PWP1: variants seen among roughly 807,000 people sequenced by gnomAD.
PWP1 encodes periodic tryptophan protein 1 homolog.
PWP1 carries 47 observed loss-of-function variants against 69.9 expected under a neutral mutation model. The observed-to-expected ratio is 0.67, with a 90% CI of 0.53 to 0.86. The LOEUF is 0.86. PWP1 is among the 40% of genes least tolerant of loss of function. The pLI, the probability that PWP1 is intolerant of heterozygous loss-of-function variation, is 0.00. For missense variants in PWP1, 551 were observed against 608.8 expected (o/e 0.91, Z 1.00); for synonymous variants, 222 against 208.2 (o/e 1.07, Z -0.57).
At chr12:107,704,379 T>C (rs532851256) in intron 10 of PWP1, among the ~76,000 whole-genome samples, 2 of 152,186 alleles carry the variant, frequency 1.3e-5, no homozygotes, top group Admixed American at 1.3e-4. Flanking sequence ...AGAGGATTCT[T>C]CTTGCGAGTG....
intron 3 of PWP1, 120 bp downstream of exon 3, chr12:107,688,922 G>T (rs1473645823): frequency 4.0e-5 from 42 of 1,060,110 alleles, no homozygotes; most frequent in Non-Finnish European, 5.7e-5. Context: ...AGATAATCTG[G>T]TTGAAGACTT....
intron 8 of PWP1, 45 bp from the exon 9 acceptor site, chr12:107,702,890 C>T (rs1181224139): frequency 1.6e-6 from 2 of 1,240,416 alleles, no homozygotes; most frequent in East Asian, 4.6e-5. Flanking sequence ...ATTTAATGCT[C>T]TTGACTTTTA....
At chr12:107,696,623 C>A in intron 6 of PWP1, 39 bp downstream of exon 6, 3 of 1,610,168 alleles carry the variant, frequency 1.9e-6, no homozygotes, top group South Asian at 2.2e-5. Flanking sequence ...GATTTCCAGT[C>A]TTATGTATTT....
chr12:107,697,575 A>G lies in PWP1; in HGVS notation c.722A>G (p.Lys241Arg). 6.2e-7 allele frequency: 1 copy of G among 1,604,016 alleles called. No homozygotes were observed. The highest frequency in any genetic ancestry group is 8.5e-7 in the Non-Finnish European group (1 of 1,176,802). Reference protein sequence around the residue: ...VFTLGSKLSKKKKKKGKKSSS... With the variant: ...VFTLGSKLSKRKKKKGKKSSS... ...ACACTCGGAAGTAAACTTTCAAAAAAGAAGAAAAAGAAAGGAAAGAAGGTA... is the reference window on the plus strand; with the variant it reads ...ACACTCGGAAGTAAACTTTCAAAAAGGAAGAAAAAGAAAGGAAAGAAGGTA... Residue 241 changes from lysine (K) to arginine (R), a missense_variant, in exon 7 of 15, where the codon AAG (lysine) becomes AGG (arginine). Physicochemically the swap from Lys to Arg is conservative, Grantham distance 26. Coordinates refer to ENST00000412830, the MANE Select transcript of PWP1 (RefSeq NM_007062.3).
At chr12:107,686,126 GCA>G (rs1175492999) in intron 1 of PWP1, 155 bp downstream of exon 1, 14 of 765,654 alleles carry the variant, frequency 1.8e-5, no homozygotes, top group Non-Finnish European at 3.0e-5. Flanking sequence ...GACTAGAGCT[GCA>G]GTTCAGAAGG....
At chr12:107,697,227 G>C (rs1889606898) in intron 6 of PWP1, among the ~76,000 whole-genome samples, 1 of 152,066 alleles carries the variant, frequency 6.6e-6, no homozygotes, top group Non-Finnish European at 1.5e-5. Flanking sequence ...TACTCAAATT[G>C]TGGCCCAAAG....
chr12:107,711,369 G>C (rs1889949409), intron 14 of PWP1, among the ~76,000 whole-genome samples: 1 of 152,170 alleles, frequency 6.6e-6, no homozygotes, highest in South Asian at 2.1e-4. Context: ...GTGCTGAAGA[G>C]ATTTTGTTTA....
At chr12:107,709,257 T>G in intron 13 of PWP1, 25 bp downstream of exon 13, 4 of 1,607,398 alleles carry the variant, frequency 2.5e-6, no homozygotes, top group Non-Finnish European at 2.6e-6. Flanking sequence ...GGGTATCTGT[T>G]TTTTATTTAT....
intron 11 of PWP1, among the ~76,000 whole-genome samples, chr12:107,707,234 G>C (rs953928120): frequency 2.0e-5 from 3 of 152,232 alleles, no homozygotes; most frequent in African/African-American, 7.2e-5. Flanking sequence ...TGTGATTTTT[G>C]CACATTGATT....
At chr12:107,706,104 A>T (rs1170725244) in intron 11 of PWP1, among the ~76,000 whole-genome samples, 1 of 152,162 alleles carries the variant, frequency 6.6e-6, no homozygotes, top group African/African-American at 2.4e-5. Context: ...CTGGTGTAAG[A>T]TGGTATCTCA....
At chr12:107,698,361 GA>G (rs995432445) in intron 7 of PWP1, among the ~76,000 whole-genome samples, 1 of 150,560 alleles carries the variant, frequency 6.6e-6, no homozygotes, top group Non-Finnish European at 1.5e-5. Context: ...TGTCTCAAGG[GA>G]AAAAAAAGAA....
intron 3 of PWP1, among the ~76,000 whole-genome samples, chr12:107,692,093 G>C (rs1162663625): frequency 2.0e-5 from 3 of 152,206 alleles, no homozygotes; most frequent in Non-Finnish European, 2.9e-5. Flanking sequence ...CCAGCCTGGA[G>C]AGATGGCATT....
In PWP1 at chr12:107,710,289, A is replaced by T. The variant is rs908778275; in HGVS notation, c.1291-116A>T. 3 of 1,459,794 alleles carry T rather than the reference A, an allele frequency of 2.1e-6. No homozygotes were observed. The East Asian group carries it at 7.2e-5, about 35-fold the overall frequency. 90.4% of individuals were successfully genotyped at this position (1,459,794 alleles called of 1,614,324 possible). On this transcript the variant is annotated intron_variant, in intron 13 of 14. Coordinates refer to ENST00000412830, the MANE Select transcript of PWP1 (RefSeq NM_007062.3). ...TGCAGTAGGCTTGAAAGTGAGAATC[A>T]TAAGTTGGTTTTGAATAACCATTTA...
intron 6 of PWP1, 130 bp downstream of exon 6, chr12:107,696,714 A>C (rs1566078843): frequency 2.1e-6 from 3 of 1,417,704 alleles, no homozygotes; most frequent in Non-Finnish European, 2.8e-6. Context: ...CTGTTATTTT[A>C]TGAAGTTATA....
At chr12:107,688,836 C>G in intron 3 of PWP1, 34 bp downstream of exon 3, 1 of 1,581,498 alleles carries the variant, frequency 6.3e-7, no homozygotes, top group Non-Finnish European at 8.6e-7. Context: ...TTTGTAATTA[C>G]AAGCTCAATA....
chr12:107,700,016 G>A (rs1889675025), intron 8 of PWP1, among the ~76,000 whole-genome samples: 2 of 152,096 alleles, frequency 1.3e-5, no homozygotes, highest in African/African-American at 4.8e-5. Flanking sequence ...AGGAGAAAGG[G>A]CATGTGCAGA....
chr12:107,704,164 T>A (rs565798952), intron 10 of PWP1, among the ~76,000 whole-genome samples: 1 of 152,312 alleles, frequency 6.6e-6, no homozygotes, highest in Non-Finnish European at 1.5e-5. Context: ...AACTTTGCAG[T>A]CTTTATTTTC....
chr12:107,697,173 G>C (rs1216194866), intron 6 of PWP1, among the ~76,000 whole-genome samples: 2 of 152,082 alleles, frequency 1.3e-5, no homozygotes, highest in Non-Finnish European at 2.9e-5. Flanking sequence ...GGTTATTCTC[G>C]TTATATAAAT....
chr12:107,708,946 T>C lies in PWP1; in HGVS notation c.1098T>C (p.Phe366=). 2 of 1,613,690 alleles carry C rather than the reference T, an allele frequency of 1.2e-6. No homozygotes were observed. The highest frequency in any genetic ancestry group is 1.7e-6 in the Non-Finnish European group (2 of 1,179,866). ...CHFLASTDDG[F]VYNLDARSDK... ...TCTAGGCCAGTACAGATGACGGCTTTGTATATAATTTGGATGCACGTTCAG... is the reference window on the plus strand; with the variant it reads ...TCTAGGCCAGTACAGATGACGGCTTCGTATATAATTTGGATGCACGTTCAG... Residue 366 remains phenylalanine, a synonymous_variant, in exon 12 of 15, where the codon TTT becomes TTC. Coordinates refer to ENST00000412830, the MANE Select transcript of PWP1 (RefSeq NM_007062.3).
Sources: gnomAD v4.1 joint callset for allele counts (sites outside exome capture counted in the v4.1 genomes callset) on GRCh38, gnomAD v4.1.1 for gene constraint, MANE v1.5 for transcripts, NCBI Gene and HGNC (gene_info 2026-07-23, HGNC 2026-07-21) for gene names.